KLF12: variants seen among roughly 807,000 people sequenced by gnomAD.
KLF12 encodes KLF transcription factor 12.
Under a neutral mutation model 37.8 loss-of-function variants are expected in KLF12, and 9 were observed. The observed-to-expected ratio is 0.24, with a 90% confidence interval of 0.14 to 0.42. KLF12 has a LOEUF of 0.42. KLF12 is among the 10% of genes least tolerant of loss of function. The pLI is 1.00. For missense variants in KLF12, 411 were observed against 516.0 expected (o/e 0.80, Z 1.97); for synonymous variants, 208 against 202.1 (o/e 1.03, Z -0.25).
intron 7 of KLF12, among the ~76,000 whole-genome samples, chr13:73,708,406 T>G (rs1875111564): frequency 6.6e-6 from 1 of 152,220 alleles, no homozygotes; most frequent in Admixed American, 6.5e-5. Flanking sequence ...AAATTTGATT[T>G]TATCTTTATT....
intron 1 of KLF12, among the ~76,000 whole-genome samples, chr13:74,030,147 C>A (rs1051910097): frequency 1.8e-4 from 27 of 152,010 alleles, no homozygotes; most frequent in Admixed American, 1.8e-3. Context: ...AACCTCCAGG[C>A]TAAAATAAAA....
the KLF12 span, among the ~76,000 whole-genome samples, chr13:74,291,305 T>C: frequency 1.3e-5 from 2 of 152,176 alleles, no homozygotes; most frequent in Non-Finnish European, 2.9e-5. Context: ...GTGCATGAGT[T>C]AGGAATTATT....
intron 2 of KLF12, among the ~76,000 whole-genome samples, chr13:73,966,729 C>T (rs1408602187): frequency 1.3e-5 from 2 of 152,196 alleles, no homozygotes; most frequent in African/African-American, 4.8e-5. Context: ...TTAAAGTCTT[C>T]TACCCAGCAA....
chr13:73,904,255 C>T lies in KLF12; in HGVS notation c.123+39726G>A, dbSNP rs578075640. Among the ~76,000 whole-genome samples the T allele has an allele frequency of 1.3e-4, 20 of 152,246 alleles. No individual in the cohort carries two copies. The South Asian group carries it at 1.9e-3, about 14-fold the overall frequency. On this transcript the variant is annotated intron_variant, in intron 3 of 7. Coordinates refer to ENST00000377669, the MANE Select transcript of KLF12 (RefSeq NM_007249.5). ...CCCTAATAAAATCCACTACCCGACA[C>T]GTCCTAGCACAAGTGCAACAAATTT...
intron 2 of KLF12, among the ~76,000 whole-genome samples, chr13:73,974,968 C>T (rs900909109): frequency 1.3e-5 from 2 of 152,154 alleles, no homozygotes; most frequent in African/African-American, 4.8e-5. Context: ...TAGCAGTTAG[C>T]TCGTAAATTT....
the KLF12 span, among the ~76,000 whole-genome samples, chr13:74,282,817 G>C: frequency 6.6e-6 from 1 of 152,148 alleles, no homozygotes; most frequent in South Asian, 2.1e-4. Context: ...AATGCCGTGT[G>C]ACTTAGGGCA....
intron 5 of KLF12, among the ~76,000 whole-genome samples, chr13:73,782,962 T>C (rs1235142602): frequency 6.6e-6 from 1 of 152,320 alleles, no homozygotes; most frequent in East Asian, 1.9e-4. Context: ...CGCAGAGCAG[T>C]GTTAAAGAGC....
intron 4 of KLF12, among the ~76,000 whole-genome samples, chr13:73,824,303 C>A (rs547994168): frequency 2.6e-5 from 4 of 152,236 alleles, no homozygotes; most frequent in African/African-American, 7.2e-5. Context: ...CATAAACTGA[C>A]CCCCGGTGCA....
intron 2 of KLF12, among the ~76,000 whole-genome samples, chr13:73,956,274 C>T (rs1890827208): frequency 6.6e-6 from 1 of 152,144 alleles, no homozygotes; most frequent in Non-Finnish European, 1.5e-5. Flanking sequence ...TTCTATTACC[C>T]TCTTTTGCTA....
intron 1 of KLF12, among the ~76,000 whole-genome samples, chr13:73,996,801 C>T (rs377595919): frequency 4.6e-5 from 7 of 152,160 alleles, no homozygotes; most frequent in East Asian, 1.9e-4. Flanking sequence ...CAGAGCCCAC[C>T]GCAAACTACA....
chr13:74,214,111 A>AT, the KLF12 span, among the ~76,000 whole-genome samples: 3 of 152,050 alleles, frequency 2.0e-5, no homozygotes, highest in Non-Finnish European at 4.4e-5. Context: ...GTTACTTATG[A>AT]TTTTTATTTT....
the KLF12 span, among the ~76,000 whole-genome samples, chr13:74,228,294 A>G: frequency 6.6e-6 from 1 of 152,168 alleles, no homozygotes; most frequent in Admixed American, 6.5e-5. Flanking sequence ...TAACTTGTAA[A>G]AAAGTCATGA....
chr13:74,266,543 A>G, the KLF12 span, among the ~76,000 whole-genome samples: 2 of 152,194 alleles, frequency 1.3e-5, no homozygotes, highest in Non-Finnish European at 2.9e-5. Flanking sequence ...TTGCACAAGG[A>G]GGATTCTCAT....
chr13:73,695,299 G>A lies in KLF12; in HGVS notation c.*191C>T, dbSNP rs916729818. 1.2e-5 allele frequency: 7 copies of A among 576,808 alleles called. No homozygotes were observed. Among genetic ancestry groups the A allele is most frequent in the South Asian group, 2.4e-5 (1 of 41,372 alleles). 35.7% of individuals were successfully genotyped at this position (576,808 alleles called of 1,614,324 possible). On this transcript the variant is annotated 3_prime_UTR_variant, in exon 8 of 8. Coordinates refer to ENST00000377669, the MANE Select transcript of KLF12 (RefSeq NM_007249.5). Reference sequence around the variant, plus strand: ...GAGCTCCCAGGCCCGGGTAAAGACGGTTCTCGTCTAGTCATGATGGGGGTT... The same window carrying A: ...GAGCTCCCAGGCCCGGGTAAAGACGATTCTCGTCTAGTCATGATGGGGGTT...
At chr13:74,239,171 T>G in the KLF12 span, among the ~76,000 whole-genome samples, 1 of 150,014 alleles carries the variant, frequency 6.7e-6, no homozygotes, top group Non-Finnish European at 1.5e-5. Context: ...AAAGAACATC[T>G]TTATTTCTGC....
At chr13:74,003,354 A>G (rs1892329292) in intron 1 of KLF12, among the ~76,000 whole-genome samples, 1 of 152,220 alleles carries the variant, frequency 6.6e-6, no homozygotes, top group African/African-American at 2.4e-5. Flanking sequence ...AATATGCATA[A>G]CTTACAAAGA....
chr13:73,728,158 GT>G (rs1425065402), intron 6 of KLF12, among the ~76,000 whole-genome samples: 1 of 152,124 alleles, frequency 6.6e-6, no homozygotes, highest in Non-Finnish European at 1.5e-5. Context: ...AGTTTTCAAC[GT>G]TCAAGCCTTA....
intron 3 of KLF12, among the ~76,000 whole-genome samples, chr13:73,931,814 CTTT>C (rs34804436): frequency 2.1e-5 from 3 of 145,834 alleles, no homozygotes; most frequent in Non-Finnish European, 3.0e-5. Flanking sequence ...AAATATTTTG[CTTT>C]TTTTTTTTTT....
At chr13:73,998,553 T>C (rs73526974) in intron 1 of KLF12, among the ~76,000 whole-genome samples, 5,354 of 152,286 alleles carry the variant, frequency 0.035, 329 homozygotes, top group African/African-American at 0.12. Flanking sequence ...AGTTATGATC[T>C]TGTGTTTTCC....
Sources: allele counts gnomAD v4.1 joint callset (sites outside exome capture counted in the v4.1 genomes callset), GRCh38; gene constraint gnomAD v4.1.1; transcripts MANE v1.5; gene names NCBI Gene and HGNC (gene_info 2026-07-23, HGNC 2026-07-21).